The following ZNF609 variants were observed in gnomAD, a reference collection of about 807,000 sequenced individuals.
ZNF609 encodes the protein zinc finger protein 609.
A neutral mutation model predicts 109.5 loss-of-function variants in ZNF609; 11 were observed. The ratio of observed to expected loss-of-function variants is 0.10; its 90% CI spans 0.06 to 0.17. The LOEUF (loss-of-function observed/expected upper bound fraction) is 0.17, where lower values mean the gene tolerates loss of function less well. Among genes scored for constraint, ZNF609 ranks in the 10% least tolerant of loss-of-function variants. The probability of loss-of-function intolerance (pLI) is 1.00; values close to 1 mark genes in which losing one functional copy is unlikely to be tolerated. For synonymous variants in ZNF609, 646 were observed against 662.0 expected, an observed-to-expected ratio of 0.98 and a Z score of 0.37; for missense variants, 1,559 against 1,772.4, an observed-to-expected ratio of 0.88 and a Z score of 2.16.
chr15:64,664,630 G>A lies in ZNF609; in HGVS notation c.974-5716G>A, dbSNP rs142394576. On this transcript the variant is annotated intron_variant, in intron 3 of 9. Coordinates refer to ENST00000326648, the MANE Select transcript of ZNF609 (RefSeq NM_015042.2). ...TTATTTGCTGCTTTTCTTTCCTGTCGTCCTATTCTCCAGCTGTCTCAACTC... is the reference window on the plus strand; with the variant it reads ...TTATTTGCTGCTTTTCTTTCCTGTCATCCTATTCTCCAGCTGTCTCAACTC... Among the ~76,000 whole-genome samples the A allele has an allele frequency of 9.5e-4, 145 of 152,156 alleles. 1 individual carries two copies. The highest frequency in any genetic ancestry group is 3.0e-3 in the African/African-American group (123 of 41,516).
chr15:64,637,994 T>TTATA (rs3057845), intron 3 of ZNF609, among the ~76,000 whole-genome samples: 9,996 of 134,078 alleles, frequency 0.075, 397 homozygotes, highest in East Asian at 0.13. Context: ...GAACCTTGTT[T>TTATA]TATATATATA....
At chr15:64,601,125 G>T (rs1254073687) in intron 2 of ZNF609, among the ~76,000 whole-genome samples, 2 of 152,062 alleles carry the variant, frequency 1.3e-5, no homozygotes, top group Non-Finnish European at 2.9e-5. Flanking sequence ...CACTCTAGTT[G>T]AACATTGCCA....
intron 3 of ZNF609, among the ~76,000 whole-genome samples, chr15:64,659,784 A>G (rs1486427321): frequency 6.6e-6 from 1 of 152,112 alleles, no homozygotes; most frequent in East Asian, 1.9e-4. Flanking sequence ...TTGTGGTCCA[A>G]AGTTAATTTT....
intron 4 of ZNF609, among the ~76,000 whole-genome samples, chr15:64,673,506 GA>G (rs1253115264): frequency 1.3e-5 from 2 of 152,198 alleles, no homozygotes; most frequent in East Asian, 3.8e-4. Flanking sequence ...AGGTATGTAA[GA>G]AAAAGGCATT....
intron 1 of ZNF609, among the ~76,000 whole-genome samples, chr15:64,475,679 C>G (rs1806236758): frequency 6.6e-6 from 1 of 152,118 alleles, no homozygotes; most frequent in African/African-American, 2.4e-5. Flanking sequence ...GCATGAGCCA[C>G]CGCGCCCAGC....
At chr15:64,633,754 G>A (rs370277144) in intron 3 of ZNF609, among the ~76,000 whole-genome samples, 4 of 152,082 alleles carry the variant, frequency 2.6e-5, no homozygotes, top group African/African-American at 7.2e-5. Context: ...GGTGGTGGGC[G>A]CCTGTAATCC....
chr15:64,529,183 A>T, intron 2 of ZNF609: 1 of 736,978 alleles, frequency 1.4e-6, no homozygotes, highest in Non-Finnish European at 2.5e-6. Context: ...GTCATGGATG[A>T]CCTTGGCTGG....
intron 2 of ZNF609, among the ~76,000 whole-genome samples, chr15:64,562,738 G>A (rs1278700559): frequency 1.7e-5 from 1 of 59,926 alleles, no homozygotes. Context: ...GAAGAAGCCA[G>A]CCAAAAAAAA....
chr15:64,680,224 G>A lies in ZNF609; in HGVS notation c.3809G>A (p.Gly1270Asp). The A allele has an allele frequency of 1.2e-6, 2 of 1,613,994 alleles. No homozygotes were observed. The highest frequency in any genetic ancestry group is 1.7e-6 in the Non-Finnish European group (2 of 1,179,998). The part of the protein sequence containing the change: ...LPSSYSFSPY[G>D]SKVSGGEDAD... Reference sequence around the variant, plus strand: ...TCCAGCTACTCTTTTTCCCCATATGGCAGCAAGGTCTCAGGTGGTGAAGAT... The same window carrying A: ...TCCAGCTACTCTTTTTCCCCATATGACAGCAAGGTCTCAGGTGGTGAAGAT... Residue 1270 changes from glycine (G) to aspartate (D), a missense_variant, in exon 7 of 10, where the codon GGC becomes GAC. By Grantham distance (94) the Gly-to-Asp change is moderately conservative. Around this residue, in one of 4 missense-constraint regions of ZNF609, gnomAD observed 1,204 missense variants for 1,314.1 expected, o/e 0.92. Transcript: ENST00000326648.
chr15:64,595,459 A>G (rs1895379110), intron 2 of ZNF609, among the ~76,000 whole-genome samples: 1 of 151,564 alleles, frequency 6.6e-6, no homozygotes, highest in Non-Finnish European at 1.5e-5. Context: ...ACACCAAGAG[A>G]GGGAGGGTTT....
intron 2 of ZNF609, among the ~76,000 whole-genome samples, chr15:64,618,364 C>T (rs983988260): frequency 3.9e-5 from 6 of 152,262 alleles, no homozygotes; most frequent in East Asian, 1.9e-4. Context: ...GCTCCAACCC[C>T]GGCAGTGTCT....
intron 1 of ZNF609, among the ~76,000 whole-genome samples, chr15:64,481,452 C>T (rs1893253535): frequency 6.6e-6 from 1 of 151,426 alleles, no homozygotes. Context: ...TCCCTAGTAG[C>T]TAGGATTACA....
In ZNF609 at chr15:64,576,234, A is replaced by G. The variant is rs143729637; in HGVS notation, c.748-46593A>G. Among the ~76,000 whole-genome samples the G allele has an allele frequency of 5.4e-4, 82 of 152,320 alleles. 3 individuals are homozygous for G. The East Asian group carries it at 0.015, about 29-fold the overall frequency. On this transcript the variant is annotated intron_variant, in intron 2 of 9. Transcript: ENST00000326648. ...TAGGTCAAATTTATCTACTTAGTTT[A>G]TATTATAACTTACAGGTATAAATGT...
intron 2 of ZNF609, among the ~76,000 whole-genome samples, chr15:64,599,168 G>GTTTTTTTTTTTTTTTT (rs556122154): frequency 2.2e-5 from 1 of 46,494 alleles, no homozygotes; most frequent in African/African-American, 7.7e-5. Context: ...TTTTGTGGTG[G>GTTTTTTTTTTTTTTTT]TTTTTTTTTT....
chr15:64,544,893 G>A (rs1466317285), intron 2 of ZNF609, among the ~76,000 whole-genome samples: 1 of 152,178 alleles, frequency 6.6e-6, no homozygotes, highest in Non-Finnish European at 1.5e-5. Flanking sequence ...AGACCATCAA[G>A]TTGTAGGTAG....
At chr15:64,520,539 C>G (rs2140364077) in intron 2 of ZNF609, among the ~76,000 whole-genome samples, 1 of 152,274 alleles carries the variant, frequency 6.6e-6, no homozygotes, top group African/African-American at 2.4e-5. Context: ...GCCAGGCTCC[C>G]TAACCTGTGT....
At chr15:64,649,230 A>G (rs1253015242) in intron 3 of ZNF609, among the ~76,000 whole-genome samples, 1 of 152,178 alleles carries the variant, frequency 6.6e-6, no homozygotes, top group Non-Finnish European at 1.5e-5. Context: ...GTTTTTTAAA[A>G]AATTCTAAAT....
chr15:64,532,803 C>T, intron 2 of ZNF609, among the ~76,000 whole-genome samples: 1 of 152,152 alleles, frequency 6.6e-6, no homozygotes, highest in East Asian at 1.9e-4. Flanking sequence ...TTCCAATCCT[C>T]CTGGAGAGTA....
chr15:64,517,275 G>A (rs921121736), intron 2 of ZNF609, among the ~76,000 whole-genome samples: 2 of 152,152 alleles, frequency 1.3e-5, no homozygotes, highest in Non-Finnish European at 2.9e-5. Flanking sequence ...TTCTCAGGAA[G>A]CTGAGGCAGG....
Sources: allele counts gnomAD v4.1 joint callset (sites outside exome capture counted in the v4.1 genomes callset), GRCh38; gene constraint gnomAD v4.1.1; regional missense constraint gnomAD v4.1.1; transcripts MANE v1.5; gene names NCBI Gene and HGNC (gene_info 2026-07-23, HGNC 2026-07-21).